Variants in NAT2 observed in about 807,000 individuals in gnomAD.
The protein encoded by NAT2 is arylamine N-acetyltransferase 2.
For synonymous variants in NAT2, 137 were observed against 125.9 expected (o/e 1.09, Z -0.59); for missense variants, 428 against 339.1 (o/e 1.26, Z -2.06).
In NAT2 at chr8:18,400,354, G is replaced by A. The variant is rs879610883; in HGVS notation, c.351G>A (p.Arg117=). 1.2e-6 allele frequency: 2 copies of A among 1,612,880 alleles called. No individual in the cohort carries two copies. The highest frequency in any genetic ancestry group is 1.1e-5 in the South Asian group (1 of 90,902). ...HLLLQVTIDG[R]NYIVDAGSGS... is the part of the protein sequence containing the mutation. Reference sequence around the variant, plus strand: ...TCCTGCAGGTGACCATTGACGGCAGGAATTACATTGTCGATGCTGGGTCTG... The same window carrying A: ...TCCTGCAGGTGACCATTGACGGCAGAAATTACATTGTCGATGCTGGGTCTG... Residue 117 remains arginine, a synonymous_variant, in exon 2 of 2, where the codon AGG becomes AGA. Transcript: ENST00000286479.
In NAT2 at chr8:18,400,599, T is replaced by C. The variant is rs761741098; in HGVS notation, c.596T>C (p.Ile199Thr). The part of the protein sequence containing the change: ...IYLFTLEPRT[I>T]EDFESMNTYL... Reference sequence around the variant, plus strand: ...TTATTTACGCTTGAACCTCGAACAATTGAAGATTTTGAGTCTATGAATACA... The same window carrying C: ...TTATTTACGCTTGAACCTCGAACAACTGAAGATTTTGAGTCTATGAATACA... Residue 199 changes from isoleucine (I) to threonine (T), a missense_variant, in exon 2 of 2, where the codon ATT becomes ACT. Physicochemically the swap from Ile to Thr is moderately conservative, Grantham distance 89. Coordinates refer to ENST00000286479, the MANE Select transcript of NAT2 (RefSeq NM_000015.3). 2.5e-6 allele frequency: 4 copies of C among 1,613,444 alleles called. No individual in the cohort carries two copies. Among genetic ancestry groups the C allele is most frequent in the African/African-American group, 1.3e-5 (1 of 74,874 alleles).
At chr8:18,396,862 T>C (rs4634684) in intron 1 of NAT2, among the ~76,000 whole-genome samples, 58,684 of 151,888 alleles carry the variant, frequency 0.39, 12,027 homozygotes, top group Middle Eastern at 0.45. Flanking sequence ...TAAATGTGAC[T>C]AGTTTTGTCT....
chr8:18,388,504 CAAAA>C (rs11390514), upstream of NAT2, among the ~76,000 whole-genome samples: 73 of 78,468 alleles, frequency 9.3e-4, no homozygotes, highest in South Asian at 3.0e-3. Context: ...AGATAATAAG[CAAAA>C]AAAAAAAAAA....
chr8:18,395,214 G>T (rs1800662883), intron 1 of NAT2, among the ~76,000 whole-genome samples: 1 of 151,938 alleles, frequency 6.6e-6, no homozygotes, highest in South Asian at 2.1e-4. Flanking sequence ...TTATCATAAA[G>T]CTTCATTCAA....
At chr8:18,398,965 G>C (rs1362684171) in intron 1 of NAT2, among the ~76,000 whole-genome samples, 1 of 152,156 alleles carries the variant, frequency 6.6e-6, no homozygotes, top group Non-Finnish European at 1.5e-5. Context: ...GGCGAACACT[G>C]TTCCGCTTAT....
intron 1 of NAT2, among the ~76,000 whole-genome samples, chr8:18,399,558 G>C (rs1800751597): frequency 6.6e-6 from 1 of 152,158 alleles, no homozygotes; most frequent in Non-Finnish European, 1.5e-5. Flanking sequence ...GTTAGGTACA[G>C]CTAAATGGGA....
At chr8:18,393,144 G>T (rs1800618247) in intron 1 of NAT2, among the ~76,000 whole-genome samples, 1 of 151,812 alleles carries the variant, frequency 6.6e-6, no homozygotes, top group African/African-American at 2.4e-5. Flanking sequence ...AAAATATTTT[G>T]ATTTTCTTCA....
At chr8:18,387,902 C>A (rs78199712), upstream of NAT2, 585 of 152,906 alleles carry the variant, frequency 3.8e-3, 2 homozygotes, top group East Asian at 0.019. Context: ...TCCATTCCCC[C>A]CTCCCCTCCA....
At chr8:18,387,939 A>G (rs10085931), upstream of NAT2, among the ~76,000 whole-genome samples, 40,468 of 152,084 alleles carry the variant, frequency 0.27, 6,203 homozygotes, top group East Asian at 0.51. Context: ...GAATGCTAGA[A>G]GGGTTGGAGT....
At position 18,396,717 on chromosome 8, in the gene NAT2, C is replaced by G. The variant is rs868018798; in HGVS notation, c.-6-3281C>G. On this transcript the variant is annotated intron_variant, in intron 1 of 1. Transcript: ENST00000286479. ...CCTGTAATTTTTTAAATAAATAAGA[C>G]TAGCTTAATATTCGTTTCATAAAAA... Among the ~76,000 whole-genome samples, 5 of 152,234 alleles carry G rather than the reference C, an allele frequency of 3.3e-5. No individual in the cohort carries two copies. The Middle Eastern group carries it at 0.01, about 311-fold the overall frequency.
upstream of NAT2, among the ~76,000 whole-genome samples, chr8:18,386,578 C>A (rs961384926): frequency 3.9e-5 from 6 of 152,196 alleles, no homozygotes; most frequent in Non-Finnish European, 8.8e-5. Flanking sequence ...CCATACACCC[C>A]ACCCCGGGGT....
chr8:18,388,496 A>C (rs1161771742), upstream of NAT2, among the ~76,000 whole-genome samples: 8 of 140,610 alleles, frequency 5.7e-5, no homozygotes, highest in Non-Finnish European at 1.2e-4. Context: ...GTTAAAGTAG[A>C]TAATAAGCAA....
At chr8:18,391,617 A>G (rs750041219) in intron 1 of NAT2, among the ~76,000 whole-genome samples, 4 of 152,208 alleles carry the variant, frequency 2.6e-5, no homozygotes, top group Non-Finnish European at 5.9e-5. Context: ...TTGTGGGAAT[A>G]AGATACCAAA....
At chr8:18,396,087 G>A (rs558344761) in intron 1 of NAT2, among the ~76,000 whole-genome samples, 65 of 151,190 alleles carry the variant, frequency 4.3e-4, no homozygotes, top group Admixed American at 7.9e-4. Flanking sequence ...GCTAAAGTTA[G>A]CATTAATAAA....
upstream of NAT2, among the ~76,000 whole-genome samples, chr8:18,390,117 A>G (rs1485904259): frequency 6.6e-6 from 1 of 152,208 alleles, no homozygotes; most frequent in Non-Finnish European, 1.5e-5. Flanking sequence ...AGTTCCCATC[A>G]TGTGGGCTGA....
Position 18,400,787 on chromosome 8 carries a change from G to A in NAT2, c.784G>A (p.Glu262Lys). The A allele has an allele frequency of 6.2e-7, 1 of 1,612,786 alleles. No homozygotes were observed. Among genetic ancestry groups the A allele is most frequent in the Non-Finnish European group, 8.5e-7 (1 of 1,179,770 alleles). The change falls in exon 2 of 2, where the codon GAG becomes AAG. Residue 262 changes from glutamate (E) to lysine (K), a missense_variant. Transcript: ENST00000286479. The part of the protein sequence containing the change: ...LVEFKTLTEE[E>K]VEEVLRNIFK... ...CGAGTTTAAAACTCTCACTGAGGAA[G>A]AGGTTGAAGAAGTGCTGAGAAATAT...
Position 18,400,438 on chromosome 8 carries a change from G to A in NAT2, c.435G>A (p.Gln145=). 1 of 1,613,708 alleles carries A rather than the reference G, an allele frequency of 6.2e-7. No individual in the cohort carries two copies. Among genetic ancestry groups the A allele is most frequent in the Non-Finnish European group, 8.5e-7 (1 of 1,179,912 alleles). Residue 145 remains glutamine, a synonymous_variant, in exon 2 of 2, where the codon CAG becomes CAA. Transcript: ENST00000286479. ...LELISGKDQP[Q]VPCIFCLTEE... ...TAATTTCTGGGAAGGATCAGCCTCA[G>A]GTGCCTTGCATTTTCTGCTTGACAG...
chr8:18,391,383 G>A (rs1158786736), intron 1 of NAT2, 38 bp downstream of exon 1: 1 of 152,026 alleles, frequency 6.6e-6, no homozygotes, highest in East Asian at 1.9e-4. Context: ...AGTGTACTTT[G>A]AAAGTGGGGT....
chr8:18,397,733 T>G (rs879472203), intron 1 of NAT2, among the ~76,000 whole-genome samples: 2 of 152,122 alleles, frequency 1.3e-5, no homozygotes, highest in Non-Finnish European at 2.9e-5. Context: ...TTAATGCTAT[T>G]TTTTTCTTTT....
Sources: gnomAD v4.1 joint callset for allele counts (sites outside exome capture counted in the v4.1 genomes callset) on GRCh38, gnomAD v4.1.1 for gene constraint, MANE v1.5 for transcripts, NCBI Gene and HGNC (gene_info 2026-07-23, HGNC 2026-07-21) for gene names.